Variants in ZNF283 observed in about 807,000 individuals in gnomAD.
ZNF283 encodes the protein zinc finger protein 41.
In ZNF283, 10 loss-of-function variants were observed where a neutral mutation model predicts 9.2. That is an observed-to-expected ratio of 1.09 (90% confidence interval 0.67 to 1.85). The LOEUF (loss-of-function observed/expected upper bound fraction) is 1.85. Ranked by LOEUF, ZNF283 falls within the 40% of genes most tolerant of loss-of-function variation. ZNF283 has a pLI of 0.00. For synonymous variants in ZNF283, 234 were observed against 244.1 expected (o/e 0.96, Z 0.38); for missense variants, 631 against 760.1 (o/e 0.83, Z 2.00).
intron 6 of ZNF283, among the ~76,000 whole-genome samples, chr19:43,845,594 C>G (rs1365817914): frequency 6.6e-6 from 1 of 152,026 alleles, no homozygotes; most frequent in African/African-American, 2.4e-5. Context: ...TAGCTAAAAG[C>G]ATGAAAATTA....
At position 43,848,567 on chromosome 19, in the gene ZNF283, TATAACGA is replaced by T. The variant is rs1306352400; in HGVS notation, c.1969_1975del (p.Asn657ValfsTer23). The T allele has an allele frequency of 6.3e-6, 10 of 1,598,370 alleles. No homozygotes were observed. Among genetic ancestry groups the T allele is most frequent in the Non-Finnish European group, 7.7e-6 (9 of 1,168,996 alleles). On this transcript the variant is annotated frameshift_variant, in exon 7 of 7. Transcript: ENST00000618787. LOFTEE classifies it low-confidence loss of function (END_TRUNC). The stretch of plus-strand genomic sequence containing the variant: ...TCATAGTAATGATAAACCCTACAAA[TATAACGA>T]ATGTGGGGAAGCCTTTCTGTGGACA...
intron 6 of ZNF283, among the ~76,000 whole-genome samples, chr19:43,838,420 G>C (rs1460722587): frequency 1.3e-5 from 2 of 152,152 alleles, no homozygotes; most frequent in Admixed American, 1.3e-4. Context: ...GAGGCCAGGA[G>C]TTCGAGACCA....
At position 43,848,111 on chromosome 19, in the gene ZNF283, C is replaced by G. The variant is rs773109697; in HGVS notation, c.1510C>G (p.Arg504Gly). 1 of 1,612,570 alleles carries G rather than the reference C, an allele frequency of 6.2e-7. No individual in the cohort carries two copies. Among genetic ancestry groups the G allele is most frequent in the East Asian group, 2.2e-5 (1 of 44,750 alleles). ...KTFCSGYQLT[R>G]HQVFHTGEKP... ...CTTTTGTAGTGGGTATCAACTTACT[C>G]GACATCAGGTATTTCACACTGGTGA... Residue 504 changes from arginine (R) to glycine (G), a missense_variant, in exon 7 of 7, where the codon CGA (arginine) becomes GGA (glycine). Coordinates refer to ENST00000618787, the MANE Select transcript of ZNF283 (RefSeq NM_181845.2).
At position 43,846,320 on chromosome 19, in the gene ZNF283, T is replaced by C. The variant is rs349038; in HGVS notation, c.338-619T>C. Among the ~76,000 whole-genome samples, 1,260 of 152,338 alleles carry C rather than the reference T, an allele frequency of 8.3e-3. 15 individuals carry two copies. The highest frequency in any genetic ancestry group is 0.029 in the African/African-American group (1,205 of 41,578). On this transcript the variant is annotated intron_variant, in intron 6 of 6. Coordinates refer to ENST00000618787, the MANE Select transcript of ZNF283 (RefSeq NM_181845.2). ...AAAAATTCTGGCTAATAAATCTAAG[T>C]AAATGTAAAATTTAATTGAACTTTA... is the stretch of plus-strand genomic sequence containing the variant.
chr19:43,835,713 G>C (rs926997259), intron 5 of ZNF283, 121 bp downstream of exon 5: 1 of 732,914 alleles, frequency 1.4e-6, no homozygotes, highest in African/African-American at 1.8e-5. Context: ...CAGAGATAAG[G>C]ACTTTGGGGT....
In ZNF283 at chr19:43,846,915, T is replaced by C. The variant is rs1305643607; in HGVS notation, c.338-24T>C. 5 of 1,417,804 alleles carry C rather than the reference T, an allele frequency of 3.5e-6. No individual in the cohort carries two copies. In the African/African-American group the frequency reaches 7.2e-5, roughly 21 times the overall value. 87.8% of individuals were successfully genotyped at this position (1,417,804 alleles called of 1,614,324 possible). A position where few individuals can be genotyped will look rare whatever the true frequency, so the allele number is the denominator to read the frequency against. ...TTTCCCTAGTGAAGGAAATAAAATGTGTGGTTTTCTTGTTTTCTTTCAGAT... is the reference window on the plus strand; with the variant it reads ...TTTCCCTAGTGAAGGAAATAAAATGCGTGGTTTTCTTGTTTTCTTTCAGAT... On this transcript the variant is annotated intron_variant, in intron 6 of 6. Transcript: ENST00000618787.
rs1168982961 is a variant in ZNF283 at position 43,848,559 on chromosome 19, C to G, written c.1958C>G (p.Pro653Arg). Residue 653 changes from proline (P) to arginine (R), a missense_variant, in exon 7 of 7, where the codon CCC becomes CGC. Physicochemically the swap from Pro to Arg is moderately radical, Grantham distance 103. Coordinates refer to ENST00000618787, the MANE Select transcript of ZNF283 (RefSeq NM_181845.2). Reference protein sequence around the residue: ...VHERTHSNDKPYKYNECGEAF... With the variant: ...VHERTHSNDKRYKYNECGEAF... ...GAGAGAACTCATAGTAATGATAAACCCTACAAATATAACGAATGTGGGGAA... is the reference window on the plus strand; with the variant it reads ...GAGAGAACTCATAGTAATGATAAACGCTACAAATATAACGAATGTGGGGAA... The G allele has an allele frequency of 2.5e-6, 4 of 1,601,498 alleles. No homozygotes were observed. The highest frequency in any genetic ancestry group is 3.4e-5 in the Admixed American group (2 of 59,530).
chr19:43,828,876 G>A (rs1050433493), intron 2 of ZNF283, among the ~76,000 whole-genome samples: 28 of 152,184 alleles, frequency 1.8e-4, no homozygotes, highest in Admixed American at 1.3e-4. Flanking sequence ...GTAAGGGAAT[G>A]TTTCTGGCAG....
Position 43,847,588 on chromosome 19 carries a change from T to C in ZNF283, c.987T>C (p.Phe329=). ...GTAAGGAATGTGGGAAGGCCTTTTTTTGGGGCTCAAGCCTTGCTAAACATG... is the reference window on the plus strand; with the variant it reads ...GTAAGGAATGTGGGAAGGCCTTTTTCTGGGGCTCAAGCCTTGCTAAACATG... ...YKCKECGKAF[F]WGSSLAKHEI... The change falls in exon 7 of 7, where the codon TTT becomes TTC. Residue 329 remains phenylalanine (F), a synonymous_variant. Coordinates refer to ENST00000618787, the MANE Select transcript of ZNF283 (RefSeq NM_181845.2). The C allele has an allele frequency of 6.2e-7, 1 of 1,612,662 alleles. No homozygotes were observed. The highest frequency in any genetic ancestry group is 1.3e-5 in the African/African-American group (1 of 74,672).
At position 43,850,923 on chromosome 19, in the gene ZNF283, T is replaced by C. The variant is rs928779182; in HGVS notation, c.*2282T>C. On this transcript the variant is annotated 3_prime_UTR_variant, in exon 7 of 7. Transcript: ENST00000618787. ...TATTTCTTTTTGAAAATAATGTCAG[T>C]TCCATCAGAACTAATGCATTGATAA... The C allele has an allele frequency of 6.6e-6, 1 of 152,204 alleles. No homozygotes were observed. The highest frequency in any genetic ancestry group is 2.4e-5 in the African/African-American group (1 of 41,452). The allele number at this position is 152,204 out of a possible 1,614,324, so 9.4% of individuals were successfully genotyped here.
chr19:43,837,161 A>G lies in ZNF283; in HGVS notation c.319A>G (p.Ser107Gly). ...CGTGGATGTAATGTTGGAGAACTAT[A>G]GTAACTTGGTGTCACTGGGTAAGGT... The part of the protein sequence containing the change: ...LYVDVMLENY[S>G]NLVSLDLESK... The change falls in exon 6 of 7, where the codon AGT (serine) becomes GGT (glycine). Residue 107 changes from serine to glycine, a missense_variant. By Grantham distance (56) the Ser-to-Gly change is moderately conservative. Transcript: ENST00000618787. 6.2e-7 allele frequency: 1 copy of G among 1,610,664 alleles called. No individual in the cohort carries two copies.
Position 43,848,550 on chromosome 19 carries a change from A to T in ZNF283, c.1949A>T (p.Asn650Ile). 1 of 1,609,576 alleles carries T rather than the reference A, an allele frequency of 6.2e-7. No homozygotes were observed. The change falls in exon 7 of 7, where the codon AAT (asparagine) becomes ATT (isoleucine). Residue 650 changes from asparagine to isoleucine, a missense_variant. Around this residue, in one of 3 missense-constraint regions of ZNF283, gnomAD observed 444 missense variants for 522.5 expected, o/e 0.85. Transcript: ENST00000618787. ...CTTGTTCATGAGAGAACTCATAGTA[A>T]TGATAAACCCTACAAATATAACGAA... ...SKLVHERTHS[N>I]DKPYKYNECG...
rs751621825 is a variant in ZNF283, at chr19:43,847,873, T to G, written c.1272T>G (p.Ile424Met). 1.6e-5 allele frequency: 25 copies of G among 1,611,244 alleles called. No homozygotes were observed. The highest frequency in any genetic ancestry group is 2.1e-5 in the Non-Finnish European group (25 of 1,179,284). Reference sequence around the variant, plus strand: ...CAAGTCTTATTCAACATGAAAGAATTCATACTGGTGAGAAACCTTATGAAT... The same window carrying G: ...CAAGTCTTATTCAACATGAAAGAATGCATACTGGTGAGAAACCTTATGAAT... ...CGSSLIQHER[I>M]HTGEKPYECK... The change falls in exon 7 of 7, where the codon ATT (isoleucine) becomes ATG (methionine). Residue 424 changes from isoleucine to methionine, a missense_variant. Physicochemically the swap from Ile to Met is conservative, Grantham distance 10 (BLOSUM62 1). Transcript: ENST00000618787.
Position 43,848,161 on chromosome 19 carries a change from TGG to T in ZNF283, c.1562_1563del (p.Gly521GlufsTer4). On this transcript the variant is annotated frameshift_variant, in exon 7 of 7. Coordinates refer to ENST00000618787, the MANE Select transcript of ZNF283 (RefSeq NM_181845.2). LOFTEE classifies it low-confidence loss of function (END_TRUNC). ...GEKPYECKECGKAFNCGSSLV... is the reference protein window; with the variant it reads ...GEKPYECKECXKAFNCGSSLV... ...AGAAACCCTATGAATGTAAGGAATG[TGG>T]GAAGGCTTTTAATTGTGGATCAAGC... is the stretch of plus-strand genomic sequence containing the variant. 6.2e-7 allele frequency: 1 copy of T among 1,614,022 alleles called. No individual in the cohort carries two copies. The highest frequency in any genetic ancestry group is 8.5e-7 in the Non-Finnish European group (1 of 1,179,958).
intron 4 of ZNF283, among the ~76,000 whole-genome samples, chr19:43,834,796 G>A (rs1427457874): frequency 2.6e-5 from 4 of 151,724 alleles, no homozygotes; most frequent in South Asian, 2.1e-4. Context: ...GGGTTTCACC[G>A]TGTTAGCCAG....
chr19:43,845,232 G>A (rs1971359945), intron 6 of ZNF283, among the ~76,000 whole-genome samples: 1 of 152,114 alleles, frequency 6.6e-6, no homozygotes, highest in Admixed American at 6.5e-5. Context: ...AGTCATAGTA[G>A]TTTTGGGCTA....
At chr19:43,830,154 A>G (rs892358147) in intron 2 of ZNF283, among the ~76,000 whole-genome samples, 4 of 152,314 alleles carry the variant, frequency 2.6e-5, no homozygotes, top group Non-Finnish European at 4.4e-5. Flanking sequence ...GGCTCACTGT[A>G]GCCTTGGCCT....
chr19:43,828,677 G>A (rs1809996679), intron 2 of ZNF283, among the ~76,000 whole-genome samples: 1 of 151,862 alleles, frequency 6.6e-6, no homozygotes, highest in African/African-American at 2.4e-5. Context: ...TTTTTTTAGA[G>A]ACAAGGTCTC....
At chr19:43,833,353 A>G (rs1423561526) in intron 3 of ZNF283, among the ~76,000 whole-genome samples, 152 bp from the exon 4 acceptor site, 11 of 152,056 alleles carry the variant, frequency 7.2e-5, no homozygotes. Context: ...TAATGAGGAT[A>G]TGGTGGGCCA....
Sources: gnomAD v4.1 joint callset for allele counts (sites outside exome capture counted in the v4.1 genomes callset) on GRCh38, gnomAD v4.1.1 for gene constraint, gnomAD v4.1.1 regional missense constraint, MANE v1.5 for transcripts, NCBI Gene and HGNC (gene_info 2026-07-23, HGNC 2026-07-21) for gene names.